Variants in ZFHX3 observed in about 807,000 individuals in gnomAD.
ZFHX3 encodes zinc finger homeobox protein 3.
A neutral mutation model predicts 279.1 loss-of-function variants in ZFHX3; 42 were observed. The observed-to-expected ratio is 0.15, with a 90% CI of 0.12 to 0.19. ZFHX3 has a LOEUF of 0.19. ZFHX3 is among the 10% of genes least tolerant of loss of function. ZFHX3 has a pLI of 1.00. For synonymous variants in ZFHX3, 2,293 were observed against 1,957.8 expected, an observed-to-expected ratio of 1.17 and a Z score of -4.52; for missense variants, 4,981 against 4,754.0, an observed-to-expected ratio of 1.05 and a Z score of -1.40.
intron 1 of ZFHX3, among the ~76,000 whole-genome samples, chr16:73,714,406 C>T (rs1284946820): frequency 6.6e-6 from 1 of 152,128 alleles, no homozygotes; most frequent in Non-Finnish European, 1.5e-5. Context: ...CTCCATTTGC[C>T]TCAACTTCAG....
At chr16:73,506,293 T>G (rs1303786065) in intron 2 of ZFHX3, among the ~76,000 whole-genome samples, 2 of 152,182 alleles carry the variant, frequency 1.3e-5, no homozygotes, top group African/African-American at 4.8e-5. Flanking sequence ...CCGGACCCAG[T>G]ATGTAGGAAT....
chr16:73,300,436 G>T (rs11649596), intron 4 of ZFHX3, among the ~76,000 whole-genome samples: 86,232 of 151,872 alleles, frequency 0.57, 25,206 homozygotes, highest in Middle Eastern at 0.65. Flanking sequence ...TGTCCTGCAG[G>T]TGTGGCCCAT....
chr16:73,058,253 G>GGCGGCA, intron 1 of ZFHX3, among the ~76,000 whole-genome samples: 1 of 145,022 alleles, frequency 6.9e-6, no homozygotes, highest in East Asian at 2.0e-4. Flanking sequence ...CGGCGGCGGC[G>GGCGGCA]GCGGCAGCGG....
At chr16:73,214,868 T>TTC (rs10701352) in intron 5 of ZFHX3, among the ~76,000 whole-genome samples, 20 of 145,560 alleles carry the variant, frequency 1.4e-4, no homozygotes, top group Middle Eastern at 7.0e-3. Flanking sequence ...TTTTTTTTTT[T>TTC]CTGTTGTTCA....
chr16:73,478,429 C>T (rs1035695468), intron 2 of ZFHX3, among the ~76,000 whole-genome samples: 3 of 152,104 alleles, frequency 2.0e-5, no homozygotes, highest in Non-Finnish European at 2.9e-5. Flanking sequence ...TAATAAATAA[C>T]AGCACTTTGT....
chr16:73,273,799 T>C (rs995177369), intron 4 of ZFHX3, among the ~76,000 whole-genome samples: 1 of 152,150 alleles, frequency 6.6e-6, no homozygotes, highest in Non-Finnish European at 1.5e-5. Flanking sequence ...ACTTTTAAGG[T>C]ATATCTGCAA....
At chr16:73,318,803 A>G (rs374894298) in intron 3 of ZFHX3, among the ~76,000 whole-genome samples, 28 of 152,334 alleles carry the variant, frequency 1.8e-4, no homozygotes, top group African/African-American at 6.3e-4. Flanking sequence ...AGTTTCAGCA[A>G]TGGATTGCAT....
At chr16:73,774,000 C>A (rs11859018) in intron 1 of ZFHX3, among the ~76,000 whole-genome samples, 25 of 152,074 alleles carry the variant, frequency 1.6e-4, no homozygotes, top group Admixed American at 1.4e-3. Context: ...TAGCCAGGCA[C>A]GGTGACATGT....
At position 72,889,044 on chromosome 16, in the gene ZFHX3, G is replaced by A. The variant is rs894062489; in HGVS notation, c.3448+687C>T. ...TCTACCCAATGAAGTCCCTATGGAA[G>A]GCGGAGTCATGGGTGGAGGGAGGGA... is the stretch of plus-strand genomic sequence containing the variant. On this transcript the variant is annotated intron_variant, in intron 4 of 9. Transcript: ENST00000268489. 5.3e-5 allele frequency among the ~76,000 whole-genome samples: 8 copies of A among 152,144 alleles called. 1 individual carries two copies. Among genetic ancestry groups the A allele is most frequent in the African/African-American group, 1.9e-4 (8 of 41,484 alleles).
chr16:73,001,940 A>C (rs1963512652), intron 1 of ZFHX3, among the ~76,000 whole-genome samples: 1 of 152,080 alleles, frequency 6.6e-6, no homozygotes, highest in African/African-American at 2.4e-5. Context: ...GGCATTACCT[A>C]TCAAGCCCAC....
At chr16:73,207,066 T>G (rs2011836351) in intron 5 of ZFHX3, among the ~76,000 whole-genome samples, 1 of 149,956 alleles carries the variant, frequency 6.7e-6, no homozygotes, top group Admixed American at 6.6e-5. Context: ...AGAACTAAAA[T>G]AAAATAAAAA....
At chr16:73,507,262 A>G (rs1308641405) in intron 2 of ZFHX3, among the ~76,000 whole-genome samples, 1 of 152,200 alleles carries the variant, frequency 6.6e-6, no homozygotes, top group Non-Finnish European at 1.5e-5. Flanking sequence ...GTAATATAGA[A>G]CATCCGGAAT....
intron 1 of ZFHX3, among the ~76,000 whole-genome samples, chr16:73,787,097 G>A (rs999862242): frequency 3.9e-5 from 6 of 152,084 alleles, no homozygotes; most frequent in Admixed American, 2.0e-4. Context: ...TACTTTAACT[G>A]TCATTTTAGT....
intron 2 of ZFHX3, among the ~76,000 whole-genome samples, chr16:73,488,335 G>C (rs2019007531): frequency 6.6e-6 from 1 of 152,176 alleles, no homozygotes; most frequent in Non-Finnish European, 1.5e-5. Flanking sequence ...CTATAGTGCT[G>C]ATGAAAAGAG....
chr16:73,784,812 TATATAC>T (rs1346778028), intron 1 of ZFHX3, among the ~76,000 whole-genome samples: 1 of 136,382 alleles, frequency 7.3e-6, no homozygotes, highest in African/African-American at 2.8e-5. Flanking sequence ...TATATATATA[TATATAC>T]ACACACACAC....
At chr16:73,470,781 C>G (rs996497149) in intron 2 of ZFHX3, among the ~76,000 whole-genome samples, 2 of 152,224 alleles carry the variant, frequency 1.3e-5, no homozygotes, top group Non-Finnish European at 2.9e-5. Context: ...TAATTCCCTA[C>G]ACAGGGTGCT....
chr16:73,049,030 C>A (rs1385521583), upstream of ZFHX3, among the ~76,000 whole-genome samples: 2 of 152,144 alleles, frequency 1.3e-5, no homozygotes, highest in Non-Finnish European at 2.9e-5. Context: ...TTTAAAGCGG[C>A]CACCCCAGTT....
chr16:73,597,855 A>C (rs1327210959), intron 2 of ZFHX3, among the ~76,000 whole-genome samples: 1 of 152,232 alleles, frequency 6.6e-6, no homozygotes, highest in Non-Finnish European at 1.5e-5. Flanking sequence ...CTGGGAAGCT[A>C]ACACTGGGCA....
intron 1 of ZFHX3, among the ~76,000 whole-genome samples, chr16:73,769,394 T>C (rs1287860972): frequency 6.6e-6 from 1 of 152,174 alleles, no homozygotes; most frequent in African/African-American, 2.4e-5. Context: ...CTGGAAAATG[T>C]CATAATGACA....
Sources: gnomAD v4.1 joint callset for allele counts (sites outside exome capture counted in the v4.1 genomes callset) on GRCh38, gnomAD v4.1.1 for gene constraint, MANE v1.5 for transcripts, NCBI Gene and HGNC (gene_info 2026-07-23, HGNC 2026-07-21) for gene names.